Variants in SNRPN observed in about 807,000 individuals in gnomAD.
SNRPN encodes small nuclear ribonucleoprotein-associated protein N.
A neutral mutation model predicts 25.2 loss-of-function variants in SNRPN; 7 were observed. That is an observed-to-expected ratio of 0.28 (90% CI 0.16 to 0.52). SNRPN has a LOEUF of 0.52. Ranked by LOEUF, SNRPN falls within the 20% of genes least tolerant of loss-of-function variation. The pLI is 0.96. For synonymous variants in SNRPN, 124 were observed against 110.6 expected, an observed-to-expected ratio of 1.12 and a Z score of -0.76; for missense variants, 196 against 322.5, an observed-to-expected ratio of 0.61 and a Z score of 3.00.
Position 24,866,164 on chromosome 15 carries a change from TA to T in SNRPN, c.-579+9449del, listed in dbSNP as rs779367842. On this transcript the variant is annotated intron_variant, in intron 1 of 11. Transcript: ENST00000400097. ...TATAGTCAGCTTTTTCTGAAATTAATATAGCTACTCCTGCTTTTTCTATTTG... is the reference window on the plus strand; with the variant it reads ...TATAGTCAGCTTTTTCTGAAATTAATTAGCTACTCCTGCTTTTTCTATTTG... Among the ~76,000 whole-genome samples, 52 of 152,320 alleles carry T rather than the reference TA, an allele frequency of 3.4e-4. 1 individual carries two copies. Among genetic ancestry groups the T allele is most frequent in the Non-Finnish European group, 6.2e-4 (42 of 68,036 alleles).
intron 1 of SNRPN, among the ~76,000 whole-genome samples, chr15:24,882,457 C>T (rs1442045237): frequency 6.6e-6 from 1 of 152,146 alleles, no homozygotes; most frequent in East Asian, 1.9e-4. Flanking sequence ...TGTGTGATTT[C>T]TTCCACTTTC....
chr15:24,840,510 C>G (rs1360540695), intron 2 of SNRPN, among the ~76,000 whole-genome samples: 1 of 152,226 alleles, frequency 6.6e-6, no homozygotes, highest in Non-Finnish European at 1.5e-5. Context: ...ACTGTGATTT[C>G]ATCTGGCTAG....
intron 2 of SNRPN, chr15:24,830,006 T>A (rs1433194019): frequency 2.6e-5 from 4 of 152,104 alleles, no homozygotes; most frequent in Non-Finnish European, 5.9e-5. Flanking sequence ...GATGAAATTA[T>A]TCTCTGAGGA....
At chr15:24,882,030 A>AC (rs2056747632) in intron 1 of SNRPN, among the ~76,000 whole-genome samples, 1 of 152,154 alleles carries the variant, frequency 6.6e-6, no homozygotes, top group African/African-American at 2.4e-5. Flanking sequence ...GAGGTAGACT[A>AC]TGAAGGCCTC....
intron 1 of SNRPN, among the ~76,000 whole-genome samples, chr15:24,956,777 G>A (rs961881483): frequency 1.3e-5 from 2 of 152,186 alleles, no homozygotes; most frequent in African/African-American, 4.8e-5. Flanking sequence ...CGGTGCAGCA[G>A]TAGAGGACTG....
At chr15:24,936,012 G>A (rs1420500382) in intron 3 of SNRPN, among the ~76,000 whole-genome samples, 1 of 152,030 alleles carries the variant, frequency 6.6e-6, no homozygotes, top group Non-Finnish European at 1.5e-5. Context: ...CTACTTGAGA[G>A]GCTGAGGCAG....
At chr15:24,830,753 G>T (rs2050447719) in intron 2 of SNRPN, among the ~76,000 whole-genome samples, 1 of 152,052 alleles carries the variant, frequency 6.6e-6, no homozygotes, top group African/African-American at 2.4e-5. Flanking sequence ...TTTAAAAATT[G>T]ATTTCTAGCT....
intron 3 of SNRPN, among the ~76,000 whole-genome samples, chr15:24,930,210 CAAAAAAAAAAA>C: frequency 1.1e-5 from 1 of 93,870 alleles, no homozygotes. Flanking sequence ...CACCACAGTC[CAAAAAAAAAAA>C]AAAAAAAACT....
At chr15:24,969,618 A>T (rs528828538) in intron 3 of SNRPN, among the ~76,000 whole-genome samples, 8 of 152,262 alleles carry the variant, frequency 5.3e-5, no homozygotes, top group African/African-American at 9.6e-5. Context: ...CTTTTTAGGA[A>T]TTTTTTAGCT....
intron 3 of SNRPN, among the ~76,000 whole-genome samples, chr15:24,922,550 G>T (rs1014791124): frequency 6.6e-6 from 1 of 152,136 alleles, no homozygotes; most frequent in Non-Finnish European, 1.5e-5. Flanking sequence ...CTTTTATTCT[G>T]ACTGAGATGA....
At chr15:24,832,626 T>C (rs1002238239) in intron 2 of SNRPN, among the ~76,000 whole-genome samples, 2 of 151,982 alleles carry the variant, frequency 1.3e-5, no homozygotes, top group African/African-American at 4.8e-5. Flanking sequence ...TGGGGTCCCT[T>C]TCCACGCAAT....
At chr15:24,941,424 T>G (rs1003193565) in intron 3 of SNRPN, among the ~76,000 whole-genome samples, 1 of 152,258 alleles carries the variant, frequency 6.6e-6, no homozygotes, top group Non-Finnish European at 1.5e-5. Flanking sequence ...CTACTCATTA[T>G]GTATTTCCAT....
chr15:24,883,362 G>C (rs1472557713), intron 1 of SNRPN, among the ~76,000 whole-genome samples: 1 of 150,944 alleles, frequency 6.6e-6, no homozygotes, highest in African/African-American at 2.4e-5. Flanking sequence ...TCACCCTAGA[G>C]CACTATAGAA....
At chr15:24,846,172 T>C (rs915456270) in intron 2 of SNRPN, among the ~76,000 whole-genome samples, 2 of 152,170 alleles carry the variant, frequency 1.3e-5, no homozygotes, top group African/African-American at 4.8e-5. Context: ...TTTTTGAATA[T>C]CAATCTGATC....
At chr15:24,944,455 T>G (rs1194754514) in intron 3 of SNRPN, among the ~76,000 whole-genome samples, 1 of 152,276 alleles carries the variant, frequency 6.6e-6, no homozygotes, top group Non-Finnish European at 1.5e-5. Context: ...CCCAGCACTT[T>G]GGGAGGCCAA....
intron 2 of SNRPN, chr15:24,830,054 A>G (rs560814328): frequency 9.2e-5 from 14 of 152,058 alleles, no homozygotes; most frequent in African/African-American, 2.7e-4. Flanking sequence ...GACCGCTTAC[A>G]TGTTGATGTT....
At chr15:24,972,350 A>G (rs1214531206) in intron 3 of SNRPN, among the ~76,000 whole-genome samples, 1 of 152,144 alleles carries the variant, frequency 6.6e-6, no homozygotes, top group Non-Finnish European at 1.5e-5. Context: ...ATAATATTCA[A>G]AACTTCTAAG....
chr15:24,909,133 C>T, intron 2 of SNRPN: 5 of 1,349,544 alleles, frequency 3.7e-6, no homozygotes, highest in Admixed American at 3.4e-5. Context: ...CTGGAGTTAC[C>T]CTGTTCTTTA....
At chr15:24,848,213 G>GGGGGGCGTGGGCGGCGGC (rs2052384659) in intron 2 of SNRPN, 1 of 110,888 alleles carries the variant, frequency 9.0e-6, no homozygotes, top group Non-Finnish European at 2.1e-5. Flanking sequence ...GGACGGAGCT[G>GGGGGGCGTGGGCGGCGGC]GGGGGCGGGG....
Sources: gnomAD v4.1 joint callset for allele counts (sites outside exome capture counted in the v4.1 genomes callset) on GRCh38, gnomAD v4.1.1 for gene constraint, MANE v1.5 for transcripts, NCBI Gene and HGNC (gene_info 2026-07-23, HGNC 2026-07-21) for gene names.